Variants in DCHS2 observed in about 807,000 individuals in gnomAD.
DCHS2 encodes dachsous cadherin-related 2.
In DCHS2, 142 loss-of-function variants were observed where a neutral mutation model predicts 182.4. The ratio of observed to expected loss-of-function variants is 0.78; its 90% CI spans 0.68 to 0.89. The LOEUF (loss-of-function observed/expected upper bound fraction) is 0.89, where lower values mean the gene tolerates loss of function less well. DCHS2 is among the 40% of genes least tolerant of loss of function. The pLI is 0.00. For missense variants in DCHS2, 4,319 were observed against 4,198.6 expected (o/e 1.03, Z -0.79); for synonymous variants, 1,740 against 1,663.3 (o/e 1.05, Z -1.12).
In DCHS2 at chr4:154,450,666, C is replaced by T. The variant is rs181919972; in HGVS notation, c.2052+38638G>A. ...TAACCAACATGGTGAAACCCCATCTCTACTAAAAATACAAAAATTAGCCAG... is the reference window on the plus strand; with the variant it reads ...TAACCAACATGGTGAAACCCCATCTTTACTAAAAATACAAAAATTAGCCAG... On this transcript the variant is annotated intron_variant, in intron 1 of 19. Transcript: ENST00000357232. Among the ~76,000 whole-genome samples the T allele has an allele frequency of 9.4e-4, 143 of 152,180 alleles. 3 individuals carry two copies. The East Asian group carries it at 0.027, about 28-fold the overall frequency.
At chr4:154,274,558 T>C (rs927583670) in intron 13 of DCHS2, among the ~76,000 whole-genome samples, 1 of 152,212 alleles carries the variant, frequency 6.6e-6, no homozygotes, top group Non-Finnish European at 1.5e-5. Context: ...ATATTAGTTT[T>C]GCTTTGAAAA....
chr4:154,417,204 T>TGTGTGTGCGA, intron 1 of DCHS2, among the ~76,000 whole-genome samples: 1 of 39,516 alleles, frequency 2.5e-5, no homozygotes, highest in African/African-American at 9.4e-5. Context: ...TGTGTGTGTG[T>TGTGTGTGCGA]GAGAGAGAGA....
At chr4:154,354,689 A>G (rs950560058) in intron 3 of DCHS2, 7 of 152,142 alleles carry the variant, frequency 4.6e-5, no homozygotes, top group African/African-American at 1.7e-4. Context: ...TCTTCATATC[A>G]TTCCTTAGTT....
At chr4:154,455,381 A>G (rs1473766091) in intron 1 of DCHS2, among the ~76,000 whole-genome samples, 1 of 152,248 alleles carries the variant, frequency 6.6e-6, no homozygotes, top group Non-Finnish European at 1.5e-5. Context: ...AGAGATGGGA[A>G]TGGAAAAATT....
chr4:154,438,008 A>T (rs1328465504), intron 1 of DCHS2, among the ~76,000 whole-genome samples: 1 of 151,904 alleles, frequency 6.6e-6, no homozygotes, highest in East Asian at 1.9e-4. Flanking sequence ...CCTGTCTCCT[A>T]AAAAAAAGTT....
chr4:154,325,308 A>C (rs560255632), intron 7 of DCHS2, among the ~76,000 whole-genome samples: 22 of 141,034 alleles, frequency 1.6e-4, no homozygotes, highest in Non-Finnish European at 2.7e-4. Flanking sequence ...TTATAGCAGG[A>C]TTATAGCCGT....
chr4:154,312,103 G>T (rs1180803102), intron 10 of DCHS2, among the ~76,000 whole-genome samples: 2 of 152,118 alleles, frequency 1.3e-5, no homozygotes, highest in African/African-American at 4.8e-5. Context: ...GTAGGCGATG[G>T]CTTCAATTAG....
intron 1 of DCHS2, among the ~76,000 whole-genome samples, chr4:154,421,925 C>T (rs903912123): frequency 6.6e-6 from 1 of 152,214 alleles, no homozygotes; most frequent in Non-Finnish European, 1.5e-5. Flanking sequence ...GCTAAAATCA[C>T]GAATAGCCAA....
intron 16 of DCHS2, among the ~76,000 whole-genome samples, chr4:154,244,165 T>C (rs1226205198): frequency 1.3e-5 from 2 of 152,222 alleles, no homozygotes; most frequent in African/African-American, 4.8e-5. Flanking sequence ...TAATAACATA[T>C]TTGTCTGCCT....
chr4:154,348,647 T>G lies in DCHS2; in HGVS notation c.2477-13543A>C, dbSNP rs537587088. On this transcript the variant is annotated intron_variant, in intron 3 of 19. Coordinates refer to ENST00000357232, the MANE Select transcript of DCHS2 (RefSeq NM_001358235.2). ...CAAGAAGACACAGAAAAGAAGGACA[T>G]GCAAAAATGGAAACAGAGATGAGAG... is the stretch of plus-strand genomic sequence containing the variant. Among the ~76,000 whole-genome samples the G allele has an allele frequency of 1.6e-4, 24 of 151,872 alleles. 2 individuals are homozygous for G. The highest frequency in any genetic ancestry group is 5.3e-4 in the African/African-American group (22 of 41,254).
At chr4:154,265,094 A>G (rs557898686) in intron 14 of DCHS2, among the ~76,000 whole-genome samples, 3 of 152,358 alleles carry the variant, frequency 2.0e-5, no homozygotes, top group African/African-American at 7.2e-5. Flanking sequence ...TCATTTTCAG[A>G]TATGATTTTA....
rs139351344 is a variant in DCHS2 at position 154,453,666 on chromosome 4, C to T, written c.2052+35638G>A. Among the ~76,000 whole-genome samples the T allele has an allele frequency of 1.9e-3, 282 of 152,112 alleles. 1 individual carries two copies. The highest frequency in any genetic ancestry group is 2.1e-3 in the Non-Finnish European group (142 of 67,978). ...GTCTGAGTCTCTTCCTGCCCAACCT[C>T]CTTCCTTCCTTCTTTCCATTCACAA... On this transcript the variant is annotated intron_variant, in intron 1 of 19. Coordinates refer to ENST00000357232, the MANE Select transcript of DCHS2 (RefSeq NM_001358235.2).
chr4:154,341,425 G>A (rs1729095911), intron 3 of DCHS2, among the ~76,000 whole-genome samples: 2 of 150,076 alleles, frequency 1.3e-5, no homozygotes, highest in African/African-American at 4.9e-5. Context: ...CGCTCTATAA[G>A]CACCTAACCA....
At chr4:154,452,267 A>T in intron 1 of DCHS2, among the ~76,000 whole-genome samples, 1 of 152,210 alleles carries the variant, frequency 6.6e-6, no homozygotes, top group East Asian at 1.9e-4. Flanking sequence ...TTAAGCCTCT[A>T]ACAAATATTC....
intron 13 of DCHS2, among the ~76,000 whole-genome samples, chr4:154,273,243 A>G (rs1393939269): frequency 2.6e-5 from 4 of 152,132 alleles, no homozygotes; most frequent in African/African-American, 9.6e-5. Flanking sequence ...TGATATATAT[A>G]TATGCACACA....
intron 1 of DCHS2, among the ~76,000 whole-genome samples, chr4:154,465,812 C>T (rs1283590453): frequency 1.3e-5 from 2 of 152,150 alleles, no homozygotes; most frequent in African/African-American, 2.4e-5. Flanking sequence ...GATGCCTCAT[C>T]ATGCTGGGCC....
rs748825622 is a variant in DCHS2, at chr4:154,332,801, C to T, written c.3407G>A (p.Arg1136His). 1.1e-5 allele frequency: 17 copies of T among 1,614,242 alleles called. No homozygotes were observed. The highest frequency in any genetic ancestry group is 1.3e-5 in the African/African-American group (1 of 75,060). Residue 1136 changes from arginine (R) to histidine (H), a missense_variant, in exon 5 of 20, where the codon CGC becomes CAC. Physicochemically the swap from Arg to His is conservative, Grantham distance 29. Coordinates refer to ENST00000357232, the MANE Select transcript of DCHS2 (RefSeq NM_001358235.2). Reference protein sequence around the residue: ...PSVDSAMFGIRPYTGWIYLRR... With the variant: ...PSVDSAMFGIHPYTGWIYLRR... The stretch of plus-strand genomic sequence containing the variant: ...CAAATAAATCCAGCCCGTGTAAGGG[C>T]GGATTCCAAACATAGCAGAGTCTAC...
intron 1 of DCHS2, among the ~76,000 whole-genome samples, chr4:154,392,185 G>A (rs1295352983): frequency 6.6e-6 from 1 of 152,166 alleles, no homozygotes; most frequent in Non-Finnish European, 1.5e-5. Context: ...CCAGAGAGGA[G>A]AGCTGGTTGT....
intron 7 of DCHS2, among the ~76,000 whole-genome samples, chr4:154,325,378 T>C (rs1333692552): frequency 1.3e-5 from 2 of 149,900 alleles, no homozygotes; most frequent in African/African-American, 5.0e-5. Flanking sequence ...CTCTTCACAA[T>C]CATTGTCCTT....
Sources: gnomAD v4.1 joint callset for allele counts (sites outside exome capture counted in the v4.1 genomes callset) on GRCh38, gnomAD v4.1.1 for gene constraint, MANE v1.5 for transcripts, NCBI Gene and HGNC (gene_info 2026-07-23, HGNC 2026-07-21) for gene names.